Variants in ANK1 observed in about 807,000 individuals in gnomAD.
ANK1 encodes ankyrin-1.
A neutral mutation model predicts 210.4 loss-of-function variants in ANK1; 51 were observed. The observed-to-expected ratio is 0.24, with a 90% confidence interval of 0.19 to 0.31. ANK1 has a LOEUF of 0.31. Ranked by LOEUF, ANK1 falls within the 10% of genes least tolerant of loss-of-function variation. The pLI is 1.00. For synonymous variants in ANK1, 967 were observed against 1,025.9 expected (o/e 0.94, Z 1.10); for missense variants, 2,051 against 2,504.4 (o/e 0.82, Z 3.86).
At chr8:41,668,161 G>A (rs1326286377) in intron 39 of ANK1, 106 bp downstream of exon 39, 1 of 1,471,556 alleles carries the variant, frequency 6.8e-7, no homozygotes, top group Non-Finnish European at 9.5e-7. Flanking sequence ...AAAGGAAGGG[G>A]ATATGCTTAG....
At position 41,672,666 on chromosome 8, in the gene ANK1, G is replaced by A; in HGVS notation, c.4784C>T (p.Ala1595Val). 1.2e-6 allele frequency: 2 copies of A among 1,614,224 alleles called. No individual in the cohort carries two copies. Among genetic ancestry groups the A allele is most frequent in the Non-Finnish European group, 1.7e-6 (2 of 1,180,032 alleles). The part of the protein sequence containing the change: ...LECSKAEDSD[A>V]TGHEWKLEGA... ...CTCCAACTTCCACTCGTGACCTGTG[G>A]CATCAGAGTCCTCAGCCTTGCTACA... Residue 1595 changes from alanine to valine, a missense_variant, in exon 38 of 43, where the codon GCC becomes GTC. Physicochemically the swap from Ala to Val is moderately conservative, Grantham distance 64. Around this residue, in one of 6 missense-constraint regions of ANK1, gnomAD observed 496 missense variants for 533.4 expected, o/e 0.93. Transcript: ENST00000289734.
At chr8:41,884,650 C>T (rs1158504710) in intron 1 of ANK1, among the ~76,000 whole-genome samples, 3 of 152,102 alleles carry the variant, frequency 2.0e-5, no homozygotes, top group Non-Finnish European at 4.4e-5. Flanking sequence ...GCCTGGGCAA[C>T]ATAGTGAGAC....
intron 1 of ANK1, chr8:41,829,247 T>A (rs908347613): frequency 6.6e-6 from 1 of 152,084 alleles, no homozygotes; most frequent in Admixed American, 6.5e-5. Flanking sequence ...TCACATTTCC[T>A]AGGGGGAAAA....
At chr8:41,778,681 G>A (rs576224610) in intron 1 of ANK1, among the ~76,000 whole-genome samples, 52 of 152,278 alleles carry the variant, frequency 3.4e-4, no homozygotes, top group African/African-American at 1.1e-3. Context: ...GGAATGATTC[G>A]TTGCTAACGA....
intron 1 of ANK1, among the ~76,000 whole-genome samples, chr8:41,836,924 GAAA>G (rs869199711): frequency 8.3e-6 from 1 of 120,068 alleles, no homozygotes; most frequent in African/African-American, 2.9e-5. Flanking sequence ...TATCTCTGGG[GAAA>G]AAAAAAAAAA....
intron 6 of ANK1, among the ~76,000 whole-genome samples, chr8:41,725,061 T>C (rs1461954259): frequency 2.0e-5 from 3 of 152,178 alleles, no homozygotes; most frequent in African/African-American, 7.2e-5. Context: ...AGGGTCTCAC[T>C]ATGTTGTCCA....
intron 1 of ANK1, among the ~76,000 whole-genome samples, chr8:41,790,638 C>T (rs1163324940): frequency 6.6e-6 from 1 of 151,926 alleles, no homozygotes; most frequent in Non-Finnish European, 1.5e-5. Flanking sequence ...CCACTAAGAA[C>T]TAGTTCCCTG....
intron 1 of ANK1, among the ~76,000 whole-genome samples, chr8:41,889,210 C>G (rs1284745700): frequency 6.6e-6 from 1 of 152,132 alleles, no homozygotes; most frequent in African/African-American, 2.4e-5. Context: ...ATCCTAAGGG[C>G]ACAACCAATA....
At chr8:41,727,441 C>T (rs991838484) in intron 4 of ANK1, 93 bp from the exon 5 acceptor site, 36 of 888,716 alleles carry the variant, frequency 4.1e-5, no homozygotes, top group Non-Finnish European at 5.6e-5. Flanking sequence ...GGACAGCGCT[C>T]TCTTCATTCC....
At chr8:41,740,982 A>C (rs1367043489) in intron 2 of ANK1, among the ~76,000 whole-genome samples, 3 of 152,090 alleles carry the variant, frequency 2.0e-5, no homozygotes, top group African/African-American at 7.2e-5. Flanking sequence ...AGGGCAGGTG[A>C]GGATGCTGGG....
At chr8:41,860,948 C>T (rs749536138) in intron 1 of ANK1, among the ~76,000 whole-genome samples, 7 of 152,180 alleles carry the variant, frequency 4.6e-5, no homozygotes, top group Non-Finnish European at 7.4e-5. Flanking sequence ...CTGCTGCTTC[C>T]AGAAAACTCC....
At chr8:41,730,600 C>T (rs747671293) in intron 3 of ANK1, among the ~76,000 whole-genome samples, 5 of 152,136 alleles carry the variant, frequency 3.3e-5, no homozygotes, top group Non-Finnish European at 5.9e-5. Context: ...CTCAGGTATC[C>T]ATTGGAGAAT....
intron 3 of ANK1, among the ~76,000 whole-genome samples, chr8:41,728,645 T>C (rs924201380): frequency 6.6e-6 from 1 of 152,182 alleles, no homozygotes; most frequent in African/African-American, 2.4e-5. Context: ...CACTGAGATG[T>C]GCGGTTGAAG....
chr8:41,702,852 C>G (rs1367395459), intron 20 of ANK1, among the ~76,000 whole-genome samples: 1 of 152,132 alleles, frequency 6.6e-6, no homozygotes, highest in Non-Finnish European at 1.5e-5. Flanking sequence ...ACAGAGTTCA[C>G]TCTGTCACCC....
At chr8:41,862,404 C>T (rs1026719980) in intron 1 of ANK1, among the ~76,000 whole-genome samples, 7 of 152,026 alleles carry the variant, frequency 4.6e-5, no homozygotes, top group South Asian at 2.1e-4. Flanking sequence ...AGAGAGCAAA[C>T]GGAGGAAACC....
Position 41,797,456 on chromosome 8 carries a change from T to C in ANK1, c.27+56A>G. The C allele has an allele frequency of 6.5e-7, 1 of 1,537,980 alleles. No homozygotes were observed. The highest frequency in any genetic ancestry group is 1.2e-5 in the South Asian group (1 of 86,532). On this transcript the variant is annotated intron_variant, in intron 1 of 42. Coordinates refer to ENST00000289734, the MANE Select transcript of ANK1 (RefSeq NM_000037.4). The surrounding 1 kb of genome is among the most constrained non-coding windows in gnomAD (Gnocchi z 4.0). Reference sequence around the variant, plus strand: ...TCGCGTGCTGCCTACTGGCGCGGCCTGGGTGGCCCCCTCCTGACATCTCCC... The same window carrying C: ...TCGCGTGCTGCCTACTGGCGCGGCCCGGGTGGCCCCCTCCTGACATCTCCC...
Position 41,688,604 on chromosome 8 carries a change from AG to A in ANK1, c.4105-16del. On this transcript the variant is annotated splice_polypyrimidine_tract_variant and intron_variant, in intron 33 of 42. Transcript: ENST00000289734. The stretch of plus-strand genomic sequence containing the variant: ...GCTCCACTTCCCTGCAGAAGAAGAA[AG>A]GGTGCTTTGGGTTTTGGACTCTCCC... The A allele has an allele frequency of 6.2e-7, 1 of 1,613,612 alleles. No homozygotes were observed. Among genetic ancestry groups the A allele is most frequent in the Non-Finnish European group, 8.5e-7 (1 of 1,179,512 alleles).
rs28667028 is a variant in ANK1, at chr8:41,728,471, C to A, written c.229-465G>T. On this transcript the variant is annotated intron_variant, in intron 3 of 42. Coordinates refer to ENST00000289734, the MANE Select transcript of ANK1 (RefSeq NM_000037.4). ...TCCTTTGGATGGGATGCCCACTCTTCGGGTGATGGCCACACTAACAGCCCA... is the reference window on the plus strand; with the variant it reads ...TCCTTTGGATGGGATGCCCACTCTTAGGGTGATGGCCACACTAACAGCCCA... 2.9e-3 allele frequency among the ~76,000 whole-genome samples: 439 copies of A among 152,266 alleles called. 2 individuals carry two copies. The highest frequency in any genetic ancestry group is 9.9e-3 in the African/African-American group (411 of 41,552).
At chr8:41,702,818 T>C (rs1392578351) in intron 20 of ANK1, among the ~76,000 whole-genome samples, 1 of 151,608 alleles carries the variant, frequency 6.6e-6, no homozygotes, top group African/African-American at 2.4e-5. Context: ...TACAATCGAG[T>C]CCACTTTTGT....
Sources: gnomAD v4.1 joint callset for allele counts (sites outside exome capture counted in the v4.1 genomes callset) on GRCh38, gnomAD v4.1.1 for gene constraint, gnomAD v4.1.1 regional missense constraint, Gnocchi (gnomAD v3.1) non-coding constraint, MANE v1.5 for transcripts, NCBI Gene and HGNC (gene_info 2026-07-23, HGNC 2026-07-21) for gene names.